The following PDE4D variants were observed in gnomAD, a reference collection of about 807,000 sequenced individuals.
PDE4D encodes the protein 3',5'-cyclic-AMP phosphodiesterase 4D.
In PDE4D, 24 loss-of-function variants were observed where a neutral mutation model predicts 87.4. The observed-to-expected ratio is 0.27, with a 90% CI of 0.20 to 0.39. The LOEUF is 0.39. Among genes scored for constraint, PDE4D ranks in the 10% least tolerant of loss-of-function variants. PDE4D has a pLI of 1.00. For missense variants in PDE4D, 714 were observed against 1,041.0 expected, an observed-to-expected ratio of 0.69 and a Z score of 4.32; for synonymous variants, 384 against 383.2, an observed-to-expected ratio of 1.00 and a Z score of -0.02.
intron 1 of PDE4D, among the ~76,000 whole-genome samples, chr5:59,433,351 C>T (rs1796377409): frequency 6.6e-6 from 1 of 152,018 alleles, no homozygotes. Context: ...GGCAGGGGCT[C>T]CTGGGGATTA....
intron 1 of PDE4D, among the ~76,000 whole-genome samples, chr5:59,686,526 A>C (rs1271772445): frequency 6.6e-6 from 1 of 152,206 alleles, no homozygotes; most frequent in Non-Finnish European, 1.5e-5. Flanking sequence ...TTTGTTAAAT[A>C]ATACATTTTA....
At chr5:59,043,955 T>C (rs566655757) in intron 5 of PDE4D, among the ~76,000 whole-genome samples, 7 of 152,316 alleles carry the variant, frequency 4.6e-5, no homozygotes, top group East Asian at 1.9e-4. Context: ...CAGTCTATCA[T>C]TGATGGACAT....
At chr5:59,008,446 T>C (rs561069588) in intron 6 of PDE4D, among the ~76,000 whole-genome samples, 1 of 152,154 alleles carries the variant, frequency 6.6e-6, no homozygotes, top group East Asian at 1.9e-4. Context: ...AATATGTGCA[T>C]CTTAAAATAA....
intron 1 of PDE4D, among the ~76,000 whole-genome samples, chr5:59,708,344 A>G (rs139960547): frequency 2.3e-4 from 35 of 152,298 alleles, no homozygotes; most frequent in African/African-American, 6.7e-4. Context: ...GGAGATAGAC[A>G]TGAAAAGCCC....
intron 1 of PDE4D, among the ~76,000 whole-genome samples, chr5:59,649,128 G>A (rs1742951103): frequency 6.6e-6 from 1 of 152,170 alleles, no homozygotes; most frequent in Non-Finnish European, 1.5e-5. Context: ...CCTAAGAGAA[G>A]GCCCTTAAAT....
At chr5:60,058,300 T>C (rs1328875563) in intron 2 of PDE4D, among the ~76,000 whole-genome samples, 2 of 151,968 alleles carry the variant, frequency 1.3e-5, no homozygotes. Flanking sequence ...GTTTTTTGTT[T>C]TGTTTTGTTT....
chr5:59,725,404 T>G (rs1361676345), intron 1 of PDE4D, among the ~76,000 whole-genome samples: 1 of 152,116 alleles, frequency 6.6e-6, no homozygotes, highest in Non-Finnish European at 1.5e-5. Flanking sequence ...TTCAGTGACT[T>G]TTTGTTGAAT....
intron 1 of PDE4D, among the ~76,000 whole-genome samples, chr5:60,359,743 T>C (rs1759899337): frequency 6.6e-6 from 1 of 152,310 alleles, no homozygotes; most frequent in East Asian, 1.9e-4. Context: ...AAAGCTGTTG[T>C]TGCACACTAT....
intron 6 of PDE4D, among the ~76,000 whole-genome samples, chr5:59,008,668 C>T (rs1249542265): frequency 6.6e-6 from 1 of 151,952 alleles, no homozygotes; most frequent in East Asian, 1.9e-4. Flanking sequence ...TAGTTGTGAT[C>T]TTGCGTTAGG....
At chr5:60,493,941 AT>A (rs1406298390) in intron 1 of PDE4D, among the ~76,000 whole-genome samples, 2 of 152,176 alleles carry the variant, frequency 1.3e-5, no homozygotes, top group African/African-American at 4.8e-5. Flanking sequence ...CATTGGAAAA[AT>A]TGAGGGATGT....
chr5:59,835,154 G>A (rs989000422), intron 1 of PDE4D, among the ~76,000 whole-genome samples: 6 of 151,968 alleles, frequency 3.9e-5, no homozygotes, highest in Non-Finnish European at 8.8e-5. Context: ...GTTATTTGCT[G>A]GATACATATT....
chr5:60,516,881 G>C (rs577138787), intron 1 of PDE4D, among the ~76,000 whole-genome samples: 2 of 152,276 alleles, frequency 1.3e-5, no homozygotes, highest in East Asian at 3.9e-4. Context: ...TGGAGCTGTT[G>C]GGAGCTGGGA....
intron 1 of PDE4D, among the ~76,000 whole-genome samples, chr5:59,853,662 A>G (rs1462278647): frequency 6.6e-6 from 1 of 152,048 alleles, no homozygotes; most frequent in Non-Finnish European, 1.5e-5. Flanking sequence ...TGTATGCTCA[A>G]TGTTAAAATC....
intron 1 of PDE4D, among the ~76,000 whole-genome samples, chr5:59,518,601 G>C (rs1223289871): frequency 1.3e-5 from 2 of 152,034 alleles, no homozygotes; most frequent in Non-Finnish European, 2.9e-5. Flanking sequence ...TACAGGAGTC[G>C]AATAAACAAC....
At chr5:60,148,553 G>T (rs1195459751) in intron 2 of PDE4D, among the ~76,000 whole-genome samples, 2 of 152,112 alleles carry the variant, frequency 1.3e-5, no homozygotes, top group African/African-American at 4.8e-5. Context: ...ATCCCCTACA[G>T]ATTCCAAGGG....
At chr5:59,406,348 C>A in intron 1 of PDE4D, among the ~76,000 whole-genome samples, 1 of 141,892 alleles carries the variant, frequency 7.0e-6, no homozygotes, top group South Asian at 2.2e-4. Flanking sequence ...CTTTGAATTT[C>A]TGTGGTATTG....
chr5:59,484,312 T>C (rs1441503894), intron 1 of PDE4D, among the ~76,000 whole-genome samples: 2 of 152,240 alleles, frequency 1.3e-5, no homozygotes, highest in African/African-American at 4.8e-5. Flanking sequence ...ATAATGCTTA[T>C]GTTTTTATGC....
intron 2 of PDE4D, among the ~76,000 whole-genome samples, chr5:60,059,330 G>T (rs764501336): frequency 6.6e-6 from 1 of 151,818 alleles, no homozygotes; most frequent in Non-Finnish European, 1.5e-5. Context: ...TTAATTACCT[G>T]TATTACATAA....
intron 1 of PDE4D, among the ~76,000 whole-genome samples, chr5:59,668,707 G>T (rs901836399): frequency 4.1e-5 from 6 of 145,724 alleles, no homozygotes; most frequent in South Asian, 2.2e-4. Flanking sequence ...GTGAGACCCT[G>T]CCTCAAGAAA....
Sources: gnomAD v4.1 joint callset for allele counts (sites outside exome capture counted in the v4.1 genomes callset) on GRCh38, gnomAD v4.1.1 for gene constraint, MANE v1.5 for transcripts, NCBI Gene and HGNC (gene_info 2026-07-23, HGNC 2026-07-21) for gene names.